RBMS2: variants seen among roughly 807,000 people sequenced by gnomAD.
The protein encoded by RBMS2 is RNA-binding motif, single-stranded-interacting protein 2.
In RBMS2, 38 loss-of-function variants were observed where a neutral mutation model predicts 58.4. The observed-to-expected ratio is 0.65, with a 90% CI of 0.50 to 0.85. RBMS2 has a LOEUF of 0.85. Ranked by LOEUF, RBMS2 falls within the 40% of genes least tolerant of loss-of-function variation. The pLI is 0.00. For missense variants in RBMS2, 367 were observed against 503.7 expected, an observed-to-expected ratio of 0.73 and a Z score of 2.60; for synonymous variants, 151 against 180.7, an observed-to-expected ratio of 0.84 and a Z score of 1.32.
In RBMS2 at chr12:56,573,056, C is replaced by CTT. The variant is rs34175256; in HGVS notation, c.542+1216_542+1217dup. ...TTTATTTGAAAGGAGATTCTTTTGA[C>CTT]TTTTTTTTTTTTTTTTAGTTTCAAA... On this transcript the variant is annotated intron_variant, in intron 5 of 13. Coordinates refer to ENST00000262031, the MANE Select transcript of RBMS2 (RefSeq NM_002898.4). 6,352 of 896,322 alleles carry CTT rather than the reference C, an allele frequency of 7.1e-3. 11 individuals carry two copies. The highest frequency in any genetic ancestry group is 0.015 in the African/African-American group (790 of 52,764). 55.5% of individuals were successfully genotyped at this position (896,322 alleles called of 1,614,324 possible). A position where few individuals can be genotyped will look rare whatever the true frequency, so the allele number is the denominator to read the frequency against.
chr12:56,532,628 G>A (rs1201175108), intron 1 of RBMS2, among the ~76,000 whole-genome samples: 1 of 151,724 alleles, frequency 6.6e-6, no homozygotes, highest in East Asian at 1.9e-4. Flanking sequence ...TCCCTTTACA[G>A]TAAAACATCT....
At chr12:56,563,807 A>T (rs868861632) in intron 2 of RBMS2, among the ~76,000 whole-genome samples, 2 of 151,950 alleles carry the variant, frequency 1.3e-5, no homozygotes, top group Non-Finnish European at 2.9e-5. Context: ...ATTAAAAAAA[A>T]TTTTAAAACT....
At chr12:56,541,876 G>A (rs1003313316) in intron 1 of RBMS2, among the ~76,000 whole-genome samples, 1 of 152,130 alleles carries the variant, frequency 6.6e-6, no homozygotes, top group Non-Finnish European at 1.5e-5. Context: ...ACGCTTGGCT[G>A]TCTACATTGA....
intron 1 of RBMS2, among the ~76,000 whole-genome samples, chr12:56,553,810 G>A (rs1239459768): frequency 7.0e-6 from 1 of 143,782 alleles, no homozygotes. Flanking sequence ...AAGAATTCTT[G>A]TAATTTAATT....
At chr12:56,526,887 G>T (rs1355947447) in intron 1 of RBMS2, among the ~76,000 whole-genome samples, 1 of 152,006 alleles carries the variant, frequency 6.6e-6, no homozygotes, top group African/African-American at 2.4e-5. Flanking sequence ...CTCCTCATAG[G>T]ATCAACAACC....
rs544291729 is a variant in RBMS2 at position 56,533,847 on chromosome 12, T to C, written c.66+11758T>C. On this transcript the variant is annotated intron_variant, in intron 1 of 13. Coordinates refer to ENST00000262031, the MANE Select transcript of RBMS2 (RefSeq NM_002898.4). Reference sequence around the variant, plus strand: ...AGTTTTAAAATCATGTTTAATTAACTTGTTTGCACTGTTCTAAGTACTTTG... The same window carrying C: ...AGTTTTAAAATCATGTTTAATTAACCTGTTTGCACTGTTCTAAGTACTTTG... 2.6e-5 allele frequency among the ~76,000 whole-genome samples: 4 copies of C among 152,212 alleles called. No individual in the cohort carries two copies. In the South Asian group the frequency reaches 8.3e-4, roughly 32 times the overall value.
chr12:56,558,537 T>TTCCCTCCC (rs540140646), intron 1 of RBMS2, among the ~76,000 whole-genome samples: 1 of 143,652 alleles, frequency 7.0e-6, no homozygotes, highest in Non-Finnish European at 1.5e-5. Context: ...CTTTCTTTTT[T>TTCCCTCCC]TCCCTCCCTC....
intron 1 of RBMS2, among the ~76,000 whole-genome samples, chr12:56,535,999 G>T (rs1262495833): frequency 2.0e-5 from 3 of 151,958 alleles, no homozygotes. Flanking sequence ...TCAGAAGTTT[G>T]AGGCTAGCCT....
At chr12:56,525,724 C>T (rs1362830764) in intron 1 of RBMS2, among the ~76,000 whole-genome samples, 2 of 151,820 alleles carry the variant, frequency 1.3e-5, no homozygotes, top group Non-Finnish European at 2.9e-5. Context: ...TGCAGTGGGG[C>T]GATCTCAGCT....
chr12:56,559,521 T>G (rs1879962440), intron 1 of RBMS2, among the ~76,000 whole-genome samples: 1 of 150,400 alleles, frequency 6.6e-6, no homozygotes, highest in Non-Finnish European at 1.5e-5. Context: ...TCTCCAGCAG[T>G]GAACTCCTTA....
intron 1 of RBMS2, among the ~76,000 whole-genome samples, chr12:56,549,073 A>C (rs1592380355): frequency 6.6e-6 from 1 of 152,138 alleles, no homozygotes; most frequent in East Asian, 1.9e-4. Context: ...ATCTCGGCTC[A>C]TTGCAACCTC....
chr12:56,550,849 T>A (rs2657885), intron 1 of RBMS2, among the ~76,000 whole-genome samples: 86,769 of 144,124 alleles, frequency 0.6, 26,386 homozygotes, highest in East Asian at 0.72. Flanking sequence ...ATCAAAAAAA[T>A]AAATAAATAA....
At chr12:56,557,741 C>CTTTTTTTTTTTTTTTTTTTT (rs529458824) in intron 1 of RBMS2, among the ~76,000 whole-genome samples, 1 of 141,342 alleles carries the variant, frequency 7.1e-6, no homozygotes, top group African/African-American at 2.6e-5. Flanking sequence ...CTTTTCTTTT[C>CTTTTTTTTTTTTTTTTTTTT]TTTTTTTTTT....
chr12:56,586,410 A>G (rs1884680916), intron 9 of RBMS2, among the ~76,000 whole-genome samples: 1 of 152,016 alleles, frequency 6.6e-6, no homozygotes, highest in Admixed American at 6.6e-5. Context: ...ACAGAGCAAG[A>G]CTCTGTCTCA....
chr12:56,549,519 T>A (rs1877853497), intron 1 of RBMS2, among the ~76,000 whole-genome samples: 1 of 152,150 alleles, frequency 6.6e-6, no homozygotes, highest in Non-Finnish European at 1.5e-5. Context: ...ACAGGAAACA[T>A]GAAGTTTCTG....
At chr12:56,541,100 C>A (rs577609574) in intron 1 of RBMS2, among the ~76,000 whole-genome samples, 170 of 125,022 alleles carry the variant, frequency 1.4e-3, no homozygotes, top group South Asian at 1.2e-3. Context: ...GACCTTGACT[C>A]AAAAAAAAAA....
chr12:56,549,567 G>C (rs1270075812), intron 1 of RBMS2, among the ~76,000 whole-genome samples: 1 of 152,108 alleles, frequency 6.6e-6, no homozygotes, highest in African/African-American at 2.4e-5. Context: ...CTTTTTCTGG[G>C]TGAAAGATGA....
At chr12:56,536,660 T>C (rs1592340711) in intron 1 of RBMS2, among the ~76,000 whole-genome samples, 1 of 145,782 alleles carries the variant, frequency 6.9e-6, no homozygotes. Context: ...CTCCACCTGG[T>C]GGGTTCAAGC....
intron 1 of RBMS2, among the ~76,000 whole-genome samples, chr12:56,533,400 C>A (rs891679471): frequency 8.1e-6 from 1 of 124,104 alleles, no homozygotes; most frequent in Non-Finnish European, 1.7e-5. Flanking sequence ...CGGCACCCAG[C>A]CCTATTACTT....
Sources: allele counts gnomAD v4.1 joint callset (sites outside exome capture counted in the v4.1 genomes callset), GRCh38; gene constraint gnomAD v4.1.1; transcripts MANE v1.5; gene names NCBI Gene and HGNC (gene_info 2026-07-23, HGNC 2026-07-21).